Variants in PCGF6 observed in about 807,000 individuals in gnomAD.
PCGF6 encodes polycomb group ring finger 6, also known as polycomb group RING finger protein 6.
A neutral mutation model predicts 45.5 loss-of-function variants in PCGF6; 24 were observed. The ratio of observed to expected loss-of-function variants is 0.53; its 90% CI spans 0.38 to 0.74. The LOEUF is 0.74. Ranked by LOEUF, PCGF6 falls within the 30% of genes least tolerant of loss-of-function variation. The pLI is 0.00. For synonymous variants in PCGF6, 152 were observed against 162.1 expected (o/e 0.94, Z 0.47); for missense variants, 356 against 443.2 (o/e 0.80, Z 1.77).
chr10:103,335,765 A>G (rs547072236), intron 6 of PCGF6, among the ~76,000 whole-genome samples: 27 of 151,876 alleles, frequency 1.8e-4, no homozygotes, highest in East Asian at 1.4e-3. Context: ...CAGGAGTTCA[A>G]GAGCAGCCGG....
At chr10:103,306,568 G>A (rs921800158) in intron 9 of PCGF6, among the ~76,000 whole-genome samples, 3 of 151,996 alleles carry the variant, frequency 2.0e-5, no homozygotes, top group Non-Finnish European at 4.4e-5. Context: ...ACTCTCCTTC[G>A]CTTCTTTGCT....
intron 6 of PCGF6, among the ~76,000 whole-genome samples, chr10:103,337,937 G>C (rs1334958919): frequency 9.2e-6 from 1 of 108,952 alleles, no homozygotes; most frequent in Non-Finnish European, 2.0e-5. Flanking sequence ...AGTGGTGGGC[G>C]CCTGTAGTCC....
chr10:103,305,140 ATT>A (rs35713672), intron 9 of PCGF6, among the ~76,000 whole-genome samples: 18,233 of 150,448 alleles, frequency 0.12, 1,422 homozygotes, highest in Non-Finnish European at 0.17. Flanking sequence ...CTACTTCAAA[ATT>A]TTTTTTTTCC....
chr10:103,307,576 G>A (rs1273054735), intron 9 of PCGF6, among the ~76,000 whole-genome samples: 2 of 152,180 alleles, frequency 1.3e-5, no homozygotes, highest in African/African-American at 4.8e-5. Context: ...AGGCTTAAGT[G>A]ATCTTCTCAC....
intron 6 of PCGF6, among the ~76,000 whole-genome samples, chr10:103,341,088 G>C (rs2093278912): frequency 6.6e-6 from 1 of 151,688 alleles, no homozygotes; most frequent in African/African-American, 2.4e-5. Context: ...AATTAGCCAG[G>C]CATGGTGGCT....
intron 9 of PCGF6, among the ~76,000 whole-genome samples, chr10:103,308,932 G>C (rs1259008016): frequency 6.6e-6 from 1 of 152,040 alleles, no homozygotes; most frequent in Non-Finnish European, 1.5e-5. Flanking sequence ...CTGTGTTTCA[G>C]ACTTACATGG....
intron 9 of PCGF6, among the ~76,000 whole-genome samples, chr10:103,308,022 G>A (rs2093143818): frequency 6.6e-6 from 1 of 152,174 alleles, no homozygotes; most frequent in South Asian, 2.1e-4. Flanking sequence ...GATCACTTGA[G>A]GTCAGGAGTT....
rs1475946873 is a variant in PCGF6 at position 103,312,493 on chromosome 10, A to C, written c.996+1693T>G. 5 of 153,416 alleles carry C rather than the reference A, an allele frequency of 3.3e-5. No individual in the cohort carries two copies. In the East Asian group the frequency reaches 9.6e-4, roughly 30 times the overall value. 9.5% of individuals were successfully genotyped at this position (153,416 alleles called of 1,614,324 possible). A position where few individuals can be genotyped will look rare whatever the true frequency, so the allele number is the denominator to read the frequency against. On this transcript the variant is annotated intron_variant, in intron 9 of 9. Coordinates refer to ENST00000369847, the MANE Select transcript of PCGF6 (RefSeq NM_001011663.2). ...CAAGTACCAAAAAATTATGCTTCTG[A>C]AATCTCTTGATGTTGATTCTGGCAC...
rs375871260 is a variant in PCGF6 at position 103,350,587 on chromosome 10, C to G, written c.360+120G>C. The G allele has an allele frequency of 9.5e-6, 10 of 1,047,186 alleles. No individual in the cohort carries two copies. In the African/African-American group the frequency reaches 1.7e-4, roughly 18 times the overall value. The allele number at this position is 1,047,186 out of a possible 1,614,324, so 64.9% of individuals were successfully genotyped here. A position where few individuals can be genotyped will look rare whatever the true frequency, so the allele number is the denominator to read the frequency against. On this transcript the variant is annotated intron_variant, in intron 1 of 9. Coordinates refer to ENST00000369847, the MANE Select transcript of PCGF6 (RefSeq NM_001011663.2). ...GCCGGGGCAGAGGTCGGGGGAGGTC[C>G]GCTCCAGTGCTCCGCGCGGCGGCGG...
chr10:103,304,465 C>G (rs752938574), intron 9 of PCGF6, among the ~76,000 whole-genome samples: 1 of 151,668 alleles, frequency 6.6e-6, no homozygotes, highest in Non-Finnish European at 1.5e-5. Context: ...CTCAGCCTAC[C>G]GAGTAGCTGC....
chr10:103,329,315 C>T (rs531187611), intron 7 of PCGF6, among the ~76,000 whole-genome samples: 60 of 151,542 alleles, frequency 4.0e-4, no homozygotes, highest in Non-Finnish European at 7.5e-4. Context: ...GCTGGGATTA[C>T]AGGCGTGAGC....
At chr10:103,341,603 CTT>C (rs752308460) in intron 6 of PCGF6, among the ~76,000 whole-genome samples, 2 of 141,490 alleles carry the variant, frequency 1.4e-5, no homozygotes, top group Non-Finnish European at 1.6e-5. Context: ...CCACATCCAG[CTT>C]TTTTTTTTTT....
At chr10:103,335,134 C>T (rs2093252009) in intron 6 of PCGF6, among the ~76,000 whole-genome samples, 1 of 150,586 alleles carries the variant, frequency 6.6e-6, no homozygotes, top group South Asian at 2.1e-4. Context: ...GCAGCTTCAA[C>T]CTTCTGGGCT....
At position 103,321,216 on chromosome 10, in the gene PCGF6, C is replaced by T. The variant is rs546876118; in HGVS notation, c.909+5318G>A. ...TGAGACAGGGTCTCATCATGCACTG[C>T]CGCCTTGACCTCCCAAGCTTAGGTG... is the stretch of plus-strand genomic sequence containing the variant. On this transcript the variant is annotated intron_variant, in intron 8 of 9. Transcript: ENST00000369847. 6.6e-5 allele frequency among the ~76,000 whole-genome samples: 10 copies of T among 152,250 alleles called. No individual in the cohort carries two copies. The South Asian group carries it at 2.1e-3, about 32-fold the overall frequency.
chr10:103,347,585 C>A, intron 3 of PCGF6, 135 bp from the exon 4 acceptor site: 1 of 667,558 alleles, frequency 1.5e-6, no homozygotes, highest in South Asian at 2.0e-5. Context: ...GTAGCATTTA[C>A]AGTTCCTAAA....
intron 1 of PCGF6, among the ~76,000 whole-genome samples, chr10:103,350,111 A>T (rs1339576713): frequency 6.7e-6 from 1 of 149,374 alleles, no homozygotes; most frequent in Non-Finnish European, 1.5e-5. Context: ...AACAAAACAA[A>T]AGGATCTTTA....
At chr10:103,314,712 G>A (rs2093168416) in intron 8 of PCGF6, among the ~76,000 whole-genome samples, 1 of 152,052 alleles carries the variant, frequency 6.6e-6, no homozygotes, top group Non-Finnish European at 1.5e-5. Context: ...CACTTTGGGA[G>A]GCAGAGGCGG....
At chr10:103,306,117 A>C (rs1471064176) in intron 9 of PCGF6, among the ~76,000 whole-genome samples, 1 of 137,566 alleles carries the variant, frequency 7.3e-6, no homozygotes. Flanking sequence ...TTTTTTTTTG[A>C]GATGGAGTTT....
rs763732740 is a variant in PCGF6 at position 103,333,915 on chromosome 10, A to G, written c.810+10T>C. On this transcript the variant is annotated intron_variant, in intron 7 of 9. Coordinates refer to ENST00000369847, the MANE Select transcript of PCGF6 (RefSeq NM_001011663.2). ...CTCTTGTGAAATGAATGAAAAAAAA[A>G]GTAAAATACCTTAAAATGTCCCGTG... The G allele has an allele frequency of 2.6e-6, 4 of 1,559,372 alleles. No homozygotes were observed. Among genetic ancestry groups the G allele is most frequent in the Non-Finnish European group, 3.5e-6 (4 of 1,157,350 alleles).
Sources: gnomAD v4.1 joint callset for allele counts (sites outside exome capture counted in the v4.1 genomes callset) on GRCh38, gnomAD v4.1.1 for gene constraint, MANE v1.5 for transcripts, NCBI Gene and HGNC (gene_info 2026-07-23, HGNC 2026-07-21) for gene names.